TSPAN5: variants seen among roughly 807,000 people sequenced by gnomAD.
The protein encoded by TSPAN5 is tetraspanin-5.
In TSPAN5, 10 loss-of-function variants were observed where a neutral mutation model predicts 37.1. The ratio of observed to expected loss-of-function variants is 0.27; its 90% CI spans 0.17 to 0.46. The LOEUF is 0.46. TSPAN5 is among the 20% of genes least tolerant of loss of function. The probability of loss-of-function intolerance (pLI) is 1.00; values close to 1 mark genes in which losing one functional copy is unlikely to be tolerated. For synonymous variants in TSPAN5, 110 were observed against 118.9 expected, an observed-to-expected ratio of 0.93 and a Z score of 0.48; for missense variants, 195 against 326.6, an observed-to-expected ratio of 0.60 and a Z score of 3.11.
At chr4:98,545,027 C>T (rs1454811123) in intron 1 of TSPAN5, among the ~76,000 whole-genome samples, 1 of 152,184 alleles carries the variant, frequency 6.6e-6, no homozygotes, top group Non-Finnish European at 1.5e-5. Context: ...TGACCCAGGA[C>T]ATCTAATGAC....
intron 1 of TSPAN5, among the ~76,000 whole-genome samples, chr4:98,603,427 T>C (rs182349267): frequency 8.5e-4 from 130 of 152,298 alleles, no homozygotes; most frequent in African/African-American, 3.1e-3. Context: ...TAAAAGCAAT[T>C]TTGCTATCAA....
At chr4:98,620,463 C>T (rs1037186861) in intron 1 of TSPAN5, among the ~76,000 whole-genome samples, 2 of 152,180 alleles carry the variant, frequency 1.3e-5, no homozygotes, top group Non-Finnish European at 2.9e-5. Context: ...CTCACTAGGC[C>T]GTCTCTATTC....
chr4:98,501,411 T>A (rs1312976976), intron 2 of TSPAN5, among the ~76,000 whole-genome samples: 1 of 152,236 alleles, frequency 6.6e-6, no homozygotes, highest in Non-Finnish European at 1.5e-5. Flanking sequence ...CAATACCTCT[T>A]GAATACTTGC....
rs896637330 is a variant in TSPAN5 at position 98,471,815 on chromosome 4, T to G, written c.*707A>C. 3.3e-5 allele frequency: 5 copies of G among 152,202 alleles called. No individual in the cohort carries two copies. The highest frequency in any genetic ancestry group is 6.5e-5 in the Admixed American group (1 of 15,278). 9.4% of individuals were successfully genotyped at this position (152,202 alleles called of 1,614,324 possible). ...ACTGATAAACAAAGCTCAGGTCTAC[T>G]TAGAAAAACGATCAGTCCTGCTAAA... On this transcript the variant is annotated 3_prime_UTR_variant, in exon 8 of 8. Coordinates refer to ENST00000305798, the MANE Select transcript of TSPAN5 (RefSeq NM_005723.4).
chr4:98,502,779 C>A (rs1461949796), intron 2 of TSPAN5, among the ~76,000 whole-genome samples: 2 of 151,870 alleles, frequency 1.3e-5, no homozygotes. Context: ...GAGTGTCAAC[C>A]CCAAAGGAAA....
At chr4:98,597,952 T>C (rs1447684363) in intron 1 of TSPAN5, among the ~76,000 whole-genome samples, 1 of 99,930 alleles carries the variant, frequency 1.0e-5, no homozygotes, top group African/African-American at 5.4e-5. Context: ...CCTTGAGCTG[T>C]GGTGGGCTCC....
At chr4:98,552,693 T>C (rs1223545180) in intron 1 of TSPAN5, among the ~76,000 whole-genome samples, 1 of 152,190 alleles carries the variant, frequency 6.6e-6, no homozygotes, top group Admixed American at 6.5e-5. Flanking sequence ...GAGAGACTCA[T>C]TTACTACAGT....
intron 1 of TSPAN5, among the ~76,000 whole-genome samples, chr4:98,531,315 C>T (rs1415096751): frequency 6.6e-6 from 1 of 152,088 alleles, no homozygotes; most frequent in Admixed American, 6.6e-5. Flanking sequence ...TGAGAACATG[C>T]AGTGTTTGGT....
intron 2 of TSPAN5, among the ~76,000 whole-genome samples, chr4:98,501,296 C>T (rs1024648020): frequency 3.9e-5 from 6 of 152,146 alleles, no homozygotes; most frequent in African/African-American, 1.4e-4. Context: ...ATATAGTATG[C>T]TTACTGGAGA....
At chr4:98,475,378 T>C (rs897556344) in intron 7 of TSPAN5, among the ~76,000 whole-genome samples, 1 of 152,198 alleles carries the variant, frequency 6.6e-6, no homozygotes, top group Non-Finnish European at 1.5e-5. Context: ...ACCAACAACA[T>C]GAAGAGTCCA....
intron 1 of TSPAN5, among the ~76,000 whole-genome samples, chr4:98,623,872 G>A (rs553559945): frequency 1.3e-5 from 2 of 152,122 alleles, no homozygotes; most frequent in East Asian, 1.9e-4. Flanking sequence ...CTGTATTCAC[G>A]TACTTTGAAA....
intron 1 of TSPAN5, among the ~76,000 whole-genome samples, chr4:98,569,183 G>A (rs1049717323): frequency 6.6e-6 from 1 of 152,190 alleles, no homozygotes; most frequent in African/African-American, 2.4e-5. Context: ...ACGAAGGCCT[G>A]ACTACAGGAA....
intron 1 of TSPAN5, among the ~76,000 whole-genome samples, chr4:98,578,748 T>G (rs1755303107): frequency 6.6e-6 from 1 of 152,190 alleles, no homozygotes; most frequent in Non-Finnish European, 1.5e-5. Context: ...TGCCAAACTC[T>G]GTGCAAATTG....
chr4:98,520,319 G>A (rs566052032), intron 1 of TSPAN5, among the ~76,000 whole-genome samples: 2 of 152,152 alleles, frequency 1.3e-5, no homozygotes, highest in Admixed American at 1.3e-4. Context: ...AAAACATAGA[G>A]CAACAAGAAA....
intron 2 of TSPAN5, among the ~76,000 whole-genome samples, chr4:98,487,693 G>C (rs1393401609): frequency 6.6e-6 from 1 of 152,046 alleles, no homozygotes; most frequent in Admixed American, 6.5e-5. Context: ...TGCTGTTGGG[G>C]TATTTCTTAC....
At chr4:98,479,921 TG>T (rs1381688504) in intron 4 of TSPAN5, among the ~76,000 whole-genome samples, 4 of 152,228 alleles carry the variant, frequency 2.6e-5, no homozygotes, top group Non-Finnish European at 5.9e-5. Context: ...TTCATCCCCA[TG>T]TGACCATCTC....
chr4:98,511,119 A>T (rs966123065), intron 1 of TSPAN5, among the ~76,000 whole-genome samples: 8 of 152,202 alleles, frequency 5.3e-5, no homozygotes, highest in Non-Finnish European at 1.0e-4. Context: ...ATGGAAAAAA[A>T]TATATCTGAG....
chr4:98,644,544 A>T (rs1030935513), intron 1 of TSPAN5, among the ~76,000 whole-genome samples: 1 of 152,100 alleles, frequency 6.6e-6, no homozygotes, highest in Non-Finnish European at 1.5e-5. Flanking sequence ...TTTAGGGTAC[A>T]TGTGCACAAT....
intron 1 of TSPAN5, among the ~76,000 whole-genome samples, chr4:98,649,124 A>G (rs1757129554): frequency 6.6e-6 from 1 of 152,204 alleles, no homozygotes; most frequent in South Asian, 2.1e-4. Flanking sequence ...AAAGACATCT[A>G]AAGGCTAGAA....
Sources: gnomAD v4.1 joint callset for allele counts (sites outside exome capture counted in the v4.1 genomes callset) on GRCh38, gnomAD v4.1.1 for gene constraint, MANE v1.5 for transcripts, NCBI Gene and HGNC (gene_info 2026-07-23, HGNC 2026-07-21) for gene names.